Variants in EPS15L1 observed in about 807,000 individuals in gnomAD.
EPS15L1 encodes epidermal growth factor receptor substrate 15-like 1.
A neutral mutation model predicts 117.1 loss-of-function variants in EPS15L1; 43 were observed. The ratio of observed to expected loss-of-function variants is 0.37; its 90% CI spans 0.29 to 0.47. EPS15L1 has a LOEUF of 0.47. Among genes scored for constraint, EPS15L1 ranks in the 20% least tolerant of loss-of-function variants. The pLI is 0.99. For missense variants in EPS15L1, 981 were observed against 1,164.0 expected (o/e 0.84, Z 2.29); for synonymous variants, 459 against 470.5 (o/e 0.98, Z 0.32).
At chr19:16,393,219 G>GT in intron 18 of EPS15L1, among the ~76,000 whole-genome samples, 1 of 151,876 alleles carries the variant, frequency 6.6e-6, no homozygotes, top group African/African-American at 2.4e-5. Flanking sequence ...TTGGGATGGG[G>GT]TCTCCTTTTG....
rs994818183 is a variant in EPS15L1, at chr19:16,471,862, C to T, written c.33+51G>A. 4.3e-6 allele frequency: 5 copies of T among 1,152,444 alleles called. 1 individual carries two copies. The Admixed American group carries it at 1.8e-4, about 41-fold the overall frequency. The allele number at this position is 1,152,444 out of a possible 1,614,324, so 71.4% of individuals were successfully genotyped here. A position where few individuals can be genotyped will look rare whatever the true frequency, so the allele number is the denominator to read the frequency against. On this transcript the variant is annotated intron_variant, in intron 1 of 23. Transcript: ENST00000455140. This position sits in a 1 kb window ranked among gnomAD's most constrained non-coding sequence, Gnocchi z 4.8. ...AGCGCCTCAGCCTCGCCGCACCGCT[C>T]GCCTCGCGCCCCGCACCCCGGCGCC...
Position 16,371,382 on chromosome 19 carries a change from GTCT to G in EPS15L1, c.2380+5737_2380+5739del, listed in dbSNP as rs1002769374. Among the ~76,000 whole-genome samples the G allele has an allele frequency of 7.9e-5, 12 of 152,162 alleles. No homozygotes were observed. The highest frequency in any genetic ancestry group is 2.1e-4 in the South Asian group (1 of 4,826). On this transcript the variant is annotated intron_variant, in intron 22 of 23. Transcript: ENST00000455140. The surrounding 1 kb of genome is among the most constrained non-coding windows in gnomAD (Gnocchi z 4.7). ...GTTTGCAAGGGGAAGAATGACTTTT[GTCT>G]TCTTCTTTTGTTGAGAGAGCTGCTC...
chr19:16,452,447 G>GAA (rs571611674), intron 1 of EPS15L1, among the ~76,000 whole-genome samples: 28 of 119,788 alleles, frequency 2.3e-4, no homozygotes, highest in Non-Finnish European at 3.0e-4. Context: ...ATTCCATCTC[G>GAA]AAAAAAAAAA....
chr19:16,405,349 C>T lies in EPS15L1; in HGVS notation c.1267-600G>A, dbSNP rs907409817. On this transcript the variant is annotated intron_variant, in intron 13 of 23. Coordinates refer to ENST00000455140, the MANE Select transcript of EPS15L1 (RefSeq NM_001258374.3). This position sits in a 1 kb window ranked among gnomAD's most constrained non-coding sequence, Gnocchi z 4.0. ...CCCACAGGCCACGCCAAGGAGACTGCGCTGGGCTCTGTGGTGGGGAGCCCG... is the reference window on the plus strand; with the variant it reads ...CCCACAGGCCACGCCAAGGAGACTGTGCTGGGCTCTGTGGTGGGGAGCCCG... 6.6e-6 allele frequency among the ~76,000 whole-genome samples: 1 copy of T among 152,164 alleles called. No individual in the cohort carries two copies. Among genetic ancestry groups the T allele is most frequent in the Non-Finnish European group, 1.5e-5 (1 of 68,020 alleles).
At position 16,403,893 on chromosome 19, in the gene EPS15L1, G is replaced by A; in HGVS notation, c.1466C>T (p.Ser489Phe). 1 of 1,614,124 alleles carries A rather than the reference G, an allele frequency of 6.2e-7. No individual in the cohort carries two copies. Among genetic ancestry groups the A allele is most frequent in the Non-Finnish European group, 8.5e-7 (1 of 1,180,002 alleles). The change falls in exon 15 of 24, where the codon TCT (serine) becomes TTT (phenylalanine). Residue 489 changes from serine to phenylalanine, a missense_variant. Around this residue, in one of 5 missense-constraint regions of EPS15L1, gnomAD observed 819 missense variants for 949.0 expected, o/e 0.86. Coordinates refer to ENST00000455140, the MANE Select transcript of EPS15L1 (RefSeq NM_001258374.3). ...ATCGTCTTCCTGGGACTTTAAGTCAGATTCCTGAGATTGGATTTGCGTTTT... is the reference window on the plus strand; with the variant it reads ...ATCGTCTTCCTGGGACTTTAAGTCAAATTCCTGAGATTGGATTTGCGTTTT... The part of the protein sequence containing the change: ...SLKTQIQSQE[S>F]DLKSQEDDLN...
chr19:16,469,159 G>A (rs1435008100), intron 1 of EPS15L1, among the ~76,000 whole-genome samples: 3 of 152,202 alleles, frequency 2.0e-5, no homozygotes, highest in South Asian at 2.1e-4. Context: ...TGGCAGAGGT[G>A]CAGGAGAGAG....
chr19:16,462,420 G>T (rs1300412602), intron 1 of EPS15L1, among the ~76,000 whole-genome samples: 1 of 152,174 alleles, frequency 6.6e-6, no homozygotes, highest in Non-Finnish European at 1.5e-5. Flanking sequence ...CAGCACTTTG[G>T]GGGGCCAAGG....
chr19:16,418,239 T>A, intron 10 of EPS15L1, 135 bp from the exon 11 acceptor site: 1 of 924,834 alleles, frequency 1.1e-6, no homozygotes, highest in Non-Finnish European at 1.6e-6. Context: ...CCCCAGCTCC[T>A]TCCCTACTTC....
At chr19:16,361,683 A>C in intron 23 of EPS15L1, 96 bp downstream of exon 23, 2 of 1,474,926 alleles carry the variant, frequency 1.4e-6, no homozygotes, top group East Asian at 4.9e-5. Flanking sequence ...GAGGCTAAAG[A>C]AGCTGGGAGG....
Position 16,365,105 on chromosome 19 carries a change from T to C in EPS15L1, c.2381-3121A>G, listed in dbSNP as rs2092115254. 6.6e-6 allele frequency among the ~76,000 whole-genome samples: 1 copy of C among 152,236 alleles called. No individual in the cohort carries two copies. The highest frequency in any genetic ancestry group is 2.1e-4 in the South Asian group (1 of 4,834). On this transcript the variant is annotated intron_variant, in intron 22 of 23. Transcript: ENST00000455140. The surrounding 1 kb of genome is among the most constrained non-coding windows in gnomAD (Gnocchi z 4.9). ...GGAATGCCATCACAGGCAGTGGCCT[T>C]CTCAGGGAAGAAATGGCAGCCCCTT...
chr19:16,449,314 C>A (rs1248619209), intron 1 of EPS15L1, among the ~76,000 whole-genome samples: 1 of 152,078 alleles, frequency 6.6e-6, no homozygotes, highest in Non-Finnish European at 1.5e-5. Flanking sequence ...GGCAAAAGAT[C>A]TGAAGGCAAA....
chr19:16,377,493 G>A (rs2092311075), intron 21 of EPS15L1, among the ~76,000 whole-genome samples: 1 of 152,182 alleles, frequency 6.6e-6, no homozygotes, highest in Non-Finnish European at 1.5e-5. Context: ...GTGGCAGAGA[G>A]CAGTCCCATA....
intron 1 of EPS15L1, among the ~76,000 whole-genome samples, chr19:16,450,433 G>T: frequency 6.7e-6 from 1 of 149,722 alleles, no homozygotes; most frequent in African/African-American, 2.5e-5. Context: ...CCTGAGTTCT[G>T]TCTGGGCTGG....
chr19:16,469,114 G>A (rs2093327239), intron 1 of EPS15L1, among the ~76,000 whole-genome samples: 1 of 152,180 alleles, frequency 6.6e-6, no homozygotes, highest in African/African-American at 2.4e-5. Flanking sequence ...TTTGGGGCAT[G>A]GCAAGGAAAT....
chr19:16,392,866 C>A (rs568551768), intron 18 of EPS15L1, among the ~76,000 whole-genome samples: 2 of 151,794 alleles, frequency 1.3e-5, no homozygotes, highest in Non-Finnish European at 2.9e-5. Context: ...CCAGCATGGG[C>A]AACACAGAGA....
chr19:16,373,246 C>A (rs1276820688), intron 22 of EPS15L1, among the ~76,000 whole-genome samples: 1 of 152,188 alleles, frequency 6.6e-6, no homozygotes, highest in Non-Finnish European at 1.5e-5. Context: ...GGTCGCATTT[C>A]ACCTTCCTCC....
intron 1 of EPS15L1, among the ~76,000 whole-genome samples, chr19:16,446,386 C>T (rs1028039748): frequency 4.6e-5 from 7 of 152,306 alleles, no homozygotes; most frequent in African/African-American, 7.2e-5. Flanking sequence ...GCAAAGTACG[C>T]GCTCTTGTGC....
chr19:16,421,607 C>A, intron 9 of EPS15L1, 131 bp from the exon 10 acceptor site: 1 of 938,252 alleles, frequency 1.1e-6, no homozygotes, highest in Non-Finnish European at 1.6e-6. Context: ...CTTCCATGAG[C>A]CAAGAGGGCA....
rs956477040 is a variant in EPS15L1, at chr19:16,459,051, T to C, written c.33+12862A>G. On this transcript the variant is annotated intron_variant, in intron 1 of 23. Transcript: ENST00000455140. ...GGCAGCGTGGCCCGGTACAGAAAAC[T>C]GCAGGCAACTGTAACACAATGCTAA... 2.6e-5 allele frequency among the ~76,000 whole-genome samples: 4 copies of C among 152,222 alleles called. No individual in the cohort carries two copies. In the South Asian group the frequency reaches 8.3e-4, roughly 32 times the overall value.
Sources: allele counts gnomAD v4.1 joint callset (sites outside exome capture counted in the v4.1 genomes callset), GRCh38; gene constraint gnomAD v4.1.1; regional missense constraint gnomAD v4.1.1; non-coding constraint Gnocchi (gnomAD v3.1); transcripts MANE v1.5; gene names NCBI Gene and HGNC (gene_info 2026-07-23, HGNC 2026-07-21).